The following ULK4 variants were observed in gnomAD, a reference collection of about 807,000 sequenced individuals.
ULK4 encodes the protein unc-51 like kinase 4.
ULK4 carries 133 observed loss-of-function variants against 160.6 expected under a neutral mutation model. The observed-to-expected ratio is 0.83, with a 90% confidence interval of 0.72 to 0.96. The LOEUF (loss-of-function observed/expected upper bound fraction) is 0.96, where lower values mean the gene tolerates loss of function less well. ULK4 is among the 40% of genes least tolerant of loss of function. The probability of loss-of-function intolerance (pLI) is 0.00; values close to 1 mark genes in which losing one functional copy is unlikely to be tolerated. For missense variants in ULK4, 1,580 were observed against 1,499.5 expected, an observed-to-expected ratio of 1.05 and a Z score of -0.89; for synonymous variants, 534 against 539.8, an observed-to-expected ratio of 0.99 and a Z score of 0.15.
chr3:41,844,208 A>G (rs925428156), intron 17 of ULK4, among the ~76,000 whole-genome samples: 3 of 152,070 alleles, frequency 2.0e-5, no homozygotes, highest in African/African-American at 7.2e-5. Context: ...ACTGGGCAGC[A>G]TGGAGCAGGG....
At chr3:41,467,302 C>A (rs2083859052) in intron 32 of ULK4, among the ~76,000 whole-genome samples, 1 of 152,080 alleles carries the variant, frequency 6.6e-6, no homozygotes, top group South Asian at 2.1e-4. Context: ...CCGAGGTGGG[C>A]AGATCACTTG....
At chr3:41,734,844 G>A (rs2037972695) in intron 22 of ULK4, among the ~76,000 whole-genome samples, 1 of 152,142 alleles carries the variant, frequency 6.6e-6, no homozygotes, top group African/African-American at 2.4e-5. Context: ...TAACAGTGAT[G>A]GTACAGATTA....
At chr3:41,296,066 A>G (rs2079661466) in intron 35 of ULK4, among the ~76,000 whole-genome samples, 1 of 152,216 alleles carries the variant, frequency 6.6e-6, no homozygotes, top group Non-Finnish European at 1.5e-5. Flanking sequence ...ATTATTACTC[A>G]GCGCTAAAAA....
chr3:41,641,850 C>T (rs1411541743), intron 30 of ULK4, among the ~76,000 whole-genome samples: 1 of 148,754 alleles, frequency 6.7e-6, no homozygotes, highest in Non-Finnish European at 1.5e-5. Context: ...AAAAGGAGCT[C>T]ATAAAAATGA....
At chr3:41,446,860 T>G (rs1425659372) in intron 34 of ULK4, among the ~76,000 whole-genome samples, 1 of 150,602 alleles carries the variant, frequency 6.6e-6, no homozygotes, top group Non-Finnish European at 1.5e-5. Context: ...ACATGTACCA[T>G]AAAACTTAAA....
At chr3:41,561,436 A>G (rs147566968) in intron 32 of ULK4, among the ~76,000 whole-genome samples, 3,464 of 152,292 alleles carry the variant, frequency 0.023, 60 homozygotes, top group Non-Finnish European at 0.035. Flanking sequence ...TTCTGAAGGA[A>G]TGGTAACAGC....
intron 35 of ULK4, among the ~76,000 whole-genome samples, chr3:41,269,738 A>G (rs1427589005): frequency 1.3e-5 from 2 of 152,254 alleles, no homozygotes; most frequent in Non-Finnish European, 2.9e-5. Flanking sequence ...TCAATAGTAC[A>G]AACTTAAAGT....
At chr3:41,525,889 C>CA (rs2086098732) in intron 32 of ULK4, among the ~76,000 whole-genome samples, 1 of 152,156 alleles carries the variant, frequency 6.6e-6, no homozygotes, top group African/African-American at 2.4e-5. Context: ...CAGTTTAAAT[C>CA]ACTGTTTCAT....
intron 32 of ULK4, among the ~76,000 whole-genome samples, chr3:41,497,888 C>T (rs1559650585): frequency 1.3e-5 from 2 of 151,752 alleles, no homozygotes; most frequent in Non-Finnish European, 2.9e-5. Context: ...GACTCCATCT[C>T]TAAAAAAATA....
chr3:41,771,788 A>G (rs1228899034), intron 21 of ULK4, among the ~76,000 whole-genome samples: 1 of 152,260 alleles, frequency 6.6e-6, no homozygotes, highest in Non-Finnish European at 1.5e-5. Context: ...ACTCAAGTAC[A>G]TATATAATAC....
At chr3:41,710,350 C>T (rs2037049098) in intron 25 of ULK4, among the ~76,000 whole-genome samples, 2 of 151,912 alleles carry the variant, frequency 1.3e-5, no homozygotes, top group Non-Finnish European at 2.9e-5. Context: ...ATTGGAGATT[C>T]AAGGAGAAAG....
rs1032090084 is a variant in ULK4 at position 41,445,152 on chromosome 3, A to C, written c.3492+10345T>G. 4.6e-5 allele frequency among the ~76,000 whole-genome samples: 7 copies of C among 152,214 alleles called. 1 individual carries two copies. The highest frequency in any genetic ancestry group is 1.0e-4 in the Non-Finnish European group (7 of 68,044). On this transcript the variant is annotated intron_variant, in intron 34 of 36. Coordinates refer to ENST00000301831, the MANE Select transcript of ULK4 (RefSeq NM_017886.4). ...CTTCAAAAAGGATAAAATACTTAGG[A>C]ATCCAACTTACAAGGGATGTGAAGG...
At chr3:41,630,515 C>A (rs921552414) in intron 30 of ULK4, among the ~76,000 whole-genome samples, 1 of 152,148 alleles carries the variant, frequency 6.6e-6, no homozygotes, top group African/African-American at 2.4e-5. Context: ...CTGTCTCTGA[C>A]CTCTAGACCA....
intron 20 of ULK4, among the ~76,000 whole-genome samples, chr3:41,797,916 A>T (rs2040350443): frequency 6.6e-6 from 1 of 150,816 alleles, no homozygotes; most frequent in Non-Finnish European, 1.5e-5. Context: ...AACAAAACAA[A>T]AGAAAAGAAA....
At chr3:41,439,674 T>A (rs1304574717) in intron 34 of ULK4, among the ~76,000 whole-genome samples, 2 of 152,174 alleles carry the variant, frequency 1.3e-5, no homozygotes, top group Non-Finnish European at 1.5e-5. Context: ...CCCTCCAACT[T>A]TATTCATTTT....
intron 35 of ULK4, among the ~76,000 whole-genome samples, chr3:41,367,747 T>C (rs2081279335): frequency 6.6e-6 from 1 of 152,184 alleles, no homozygotes; most frequent in Admixed American, 6.5e-5. Context: ...CTTATTTTCC[T>C]ACCTATTTTG....
chr3:41,859,476 T>G (rs1329933047), intron 17 of ULK4: 1 of 549,386 alleles, frequency 1.8e-6, no homozygotes, highest in Non-Finnish European at 3.7e-6. Context: ...AGGTCACCAA[T>G]ATGGTAATGA....
intron 32 of ULK4, among the ~76,000 whole-genome samples, 189 bp downstream of exon 32, chr3:41,565,836 G>A (rs946199752): frequency 1.3e-5 from 2 of 152,086 alleles, no homozygotes; most frequent in Admixed American, 6.6e-5. Context: ...TTGACTTTAT[G>A]CCATTAAGAG....
intron 35 of ULK4, among the ~76,000 whole-genome samples, chr3:41,357,364 C>T (rs2081049405): frequency 6.6e-6 from 1 of 152,146 alleles, no homozygotes; most frequent in South Asian, 2.1e-4. Context: ...AAGTCAGCAG[C>T]CTCGATCCAA....
Sources: gnomAD v4.1 joint callset for allele counts (sites outside exome capture counted in the v4.1 genomes callset) on GRCh38, gnomAD v4.1.1 for gene constraint, MANE v1.5 for transcripts, NCBI Gene and HGNC (gene_info 2026-07-23, HGNC 2026-07-21) for gene names.